The following CHL1 variants were observed in gnomAD, a reference collection of about 807,000 sequenced individuals.
CHL1 encodes neural cell adhesion molecule L1-like protein.
In CHL1, 96 loss-of-function variants were observed where a neutral mutation model predicts 141.9. That is an observed-to-expected ratio of 0.68 (90% CI 0.57 to 0.80). The LOEUF is 0.80. CHL1 is among the 30% of genes least tolerant of loss of function. CHL1 has a pLI of 0.00. For synonymous variants in CHL1, 613 were observed against 502.2 expected (o/e 1.22, Z -2.95); for missense variants, 1,820 against 1,457.2 (o/e 1.25, Z -4.05).
At chr3:242,367 G>A (rs11715481) in intron 1 of CHL1, among the ~76,000 whole-genome samples, 23 of 143,122 alleles carry the variant, frequency 1.6e-4, no homozygotes, top group South Asian at 7.1e-4. Flanking sequence ...GAGGCTGAGG[G>A]GGGCAGATCA....
chr3:316,883 C>A (rs766106347), intron 2 of CHL1, among the ~76,000 whole-genome samples: 4 of 152,062 alleles, frequency 2.6e-5, no homozygotes, highest in Non-Finnish European at 5.9e-5. Flanking sequence ...GCATTAAATG[C>A]CATTGTTTCA....
intron 2 of CHL1, among the ~76,000 whole-genome samples, chr3:250,564 C>G (rs331887): frequency 0.56 from 84,746 of 151,870 alleles, 25,093 homozygotes; most frequent in African/African-American, 0.76. Flanking sequence ...GCAGTGGGAA[C>G]GGGGAAGACC....
At chr3:275,837 C>G (rs1696043914) in intron 2 of CHL1, among the ~76,000 whole-genome samples, 1 of 151,946 alleles carries the variant, frequency 6.6e-6, no homozygotes, top group East Asian at 1.9e-4. Flanking sequence ...CATAAAAAAA[C>G]TAGTATAAAA....
chr3:309,605 G>T (rs1026906170), intron 2 of CHL1, among the ~76,000 whole-genome samples: 8 of 151,552 alleles, frequency 5.3e-5, no homozygotes, highest in African/African-American at 1.9e-4. Flanking sequence ...AAACTCTGGG[G>T]CTCAAGCAAT....
chr3:354,643 C>A lies in CHL1; in HGVS notation c.1037C>A (p.Pro346His), dbSNP rs148130786. The A allele has an allele frequency of 1.9e-6, 3 of 1,611,298 alleles. No individual in the cohort carries two copies. In the African/African-American group the frequency reaches 4.0e-5, roughly 22 times the overall value. The change falls in exon 11 of 28, where the codon CCT (proline) becomes CAT (histidine). Residue 346 changes from proline (P) to histidine (H), a missense_variant. Transcript: ENST00000256509. ...THDFHVIVEE[P>H]PRWTKKPQSA... ...GAGCTCTTCACTTTACATCCAGAGC[C>A]TCCTCGCTGGACAAAGAAGCCTCAG... is the stretch of plus-strand genomic sequence containing the variant.
chr3:365,866 AT>A (rs1704814357), intron 14 of CHL1, 83 bp from the exon 15 acceptor site: 2 of 1,028,528 alleles, frequency 1.9e-6, no homozygotes, highest in Non-Finnish European at 2.9e-6. Flanking sequence ...TATGGTGACA[AT>A]TTGGGTTACT....
rs183785451 is a variant in CHL1, at chr3:224,873, C to T, written c.-174-19740C>T. 4.6e-4 allele frequency among the ~76,000 whole-genome samples: 70 copies of T among 152,284 alleles called. 1 individual carries two copies. Among genetic ancestry groups the T allele is most frequent in the East Asian group, 3.7e-3 (19 of 5,176 alleles). On this transcript the variant is annotated intron_variant, in intron 1 of 27. Coordinates refer to ENST00000256509, the MANE Select transcript of CHL1 (RefSeq NM_006614.4). ...ACTCAGAGCCGGGTGCAGTGGCTCA[C>T]GCCTGTAATCCCAGCTACTCAGGAG...
At chr3:400,701 C>G (rs1325080510) in intron 26 of CHL1, among the ~76,000 whole-genome samples, 1 of 150,782 alleles carries the variant, frequency 6.6e-6, no homozygotes, top group Non-Finnish European at 1.5e-5. Context: ...ACTCGGGAGG[C>G]TGAGGCAGGA....
chr3:288,329 A>G (rs1448055100), intron 2 of CHL1, among the ~76,000 whole-genome samples: 3 of 140,572 alleles, frequency 2.1e-5, no homozygotes, highest in East Asian at 4.5e-4. Context: ...GGTGACAAAC[A>G]CATGTCGAAT....
intron 2 of CHL1, among the ~76,000 whole-genome samples, chr3:268,898 G>A (rs1363799185): frequency 6.6e-6 from 1 of 152,164 alleles, no homozygotes; most frequent in East Asian, 1.9e-4. Flanking sequence ...TCAATCAGAT[G>A]GCAAAATATT....
intron 5 of CHL1, chr3:328,589 A>G: frequency 2.8e-6 from 1 of 356,072 alleles, no homozygotes; most frequent in Non-Finnish European, 5.0e-6. Flanking sequence ...ATGGAAAAAT[A>G]TAATATCTGC....
chr3:298,421 G>A (rs201403751), intron 2 of CHL1, among the ~76,000 whole-genome samples: 3 of 69,794 alleles, frequency 4.3e-5, no homozygotes, highest in Admixed American at 3.6e-4. Context: ...GGACCCACAG[G>A]AAATCTCTAG....
chr3:276,515 C>T (rs1314963444), intron 2 of CHL1, among the ~76,000 whole-genome samples: 1 of 152,056 alleles, frequency 6.6e-6, no homozygotes, highest in Non-Finnish European at 1.5e-5. Context: ...AACTTCAGTT[C>T]CAAGGAAAAT....
At chr3:367,405 C>T (rs1487248773) in intron 15 of CHL1, among the ~76,000 whole-genome samples, 1 of 152,212 alleles carries the variant, frequency 6.6e-6, no homozygotes, top group Non-Finnish European at 1.5e-5. Flanking sequence ...AATCTCAGCT[C>T]AGTCACTTAT....
At chr3:227,309 CCAAAG>C (rs1349249551) in intron 1 of CHL1, among the ~76,000 whole-genome samples, 1 of 152,114 alleles carries the variant, frequency 6.6e-6, no homozygotes, top group Non-Finnish European at 1.5e-5. Context: ...TGAAGGAAAT[CCAAAG>C]TTGGGGTCTA....
chr3:249,870 T>C (rs963207958), intron 2 of CHL1, among the ~76,000 whole-genome samples: 14 of 152,090 alleles, frequency 9.2e-5, no homozygotes, highest in African/African-American at 2.7e-4. Context: ...GTATGAATAT[T>C]ATATGGGGAG....
chr3:315,353 C>T (rs758926190), intron 2 of CHL1, among the ~76,000 whole-genome samples: 1 of 152,128 alleles, frequency 6.6e-6, no homozygotes, highest in Non-Finnish European at 1.5e-5. Context: ...CTGCACATCA[C>T]TTTGTCATGT....
intron 2 of CHL1, among the ~76,000 whole-genome samples, chr3:317,011 A>G (rs763088199): frequency 7.2e-5 from 11 of 152,076 alleles, no homozygotes; most frequent in Non-Finnish European, 1.6e-4. Context: ...TCCGTTTTCA[A>G]TCTGAAAGCT....
intron 2 of CHL1, among the ~76,000 whole-genome samples, chr3:288,048 A>T (rs150625797): frequency 6.6e-6 from 1 of 152,306 alleles, no homozygotes; most frequent in African/African-American, 2.4e-5. Flanking sequence ...GATTACAGGC[A>T]TGAGCCACTA....
Sources: gnomAD v4.1 joint callset for allele counts (sites outside exome capture counted in the v4.1 genomes callset) on GRCh38, gnomAD v4.1.1 for gene constraint, MANE v1.5 for transcripts, NCBI Gene and HGNC (gene_info 2026-07-23, HGNC 2026-07-21) for gene names.